Variants in FHIT observed in about 807,000 individuals in gnomAD.
FHIT encodes the protein bis(5'-adenosyl)-triphosphatase.
A neutral mutation model predicts 17.9 loss-of-function variants in FHIT; 19 were observed. That is an observed-to-expected ratio of 1.06 (90% CI 0.74 to 1.56). The LOEUF is 1.56. Ranked by LOEUF, FHIT falls within the 40% of genes most tolerant of loss-of-function variation. The pLI is 0.00. For missense variants in FHIT, 248 were observed against 189.2 expected, an observed-to-expected ratio of 1.31 and a Z score of -1.82; for synonymous variants, 81 against 69.7, an observed-to-expected ratio of 1.16 and a Z score of -0.81.
intron 5 of FHIT, among the ~76,000 whole-genome samples, chr3:60,429,595 A>G (rs1295188047): frequency 1.3e-5 from 2 of 152,070 alleles, no homozygotes; most frequent in African/African-American, 4.8e-5. Flanking sequence ...GGCCCTGTTT[A>G]AGGGTATCTA....
At chr3:60,275,365 C>T (rs968166667) in intron 5 of FHIT, among the ~76,000 whole-genome samples, 8 of 152,326 alleles carry the variant, frequency 5.3e-5, no homozygotes, top group Admixed American at 3.9e-4. Context: ...CAATTCCAAT[C>T]ATTTCTCTGA....
chr3:59,815,559 G>A (rs1384317031), intron 8 of FHIT, among the ~76,000 whole-genome samples: 1 of 152,122 alleles, frequency 6.6e-6, no homozygotes, highest in Non-Finnish European at 1.5e-5. Context: ...GCCATAAAAA[G>A]GAATGAATGA....
chr3:60,682,137 AATTTTTTGT>A (rs782589108), intron 4 of FHIT, among the ~76,000 whole-genome samples: 4 of 151,886 alleles, frequency 2.6e-5, no homozygotes, highest in Non-Finnish European at 2.9e-5. Flanking sequence ...ACGCCCTGCT[AATTTTTTGT>A]ATTTTTAGTA....
chr3:60,877,888 C>T (rs992914489), intron 3 of FHIT, among the ~76,000 whole-genome samples: 3 of 152,042 alleles, frequency 2.0e-5, no homozygotes, highest in African/African-American at 7.2e-5. Context: ...TACCCATGCT[C>T]AGTCATTCTA....
intron 5 of FHIT, among the ~76,000 whole-genome samples, chr3:60,130,113 C>T (rs564959525): frequency 1.4e-4 from 22 of 152,098 alleles, no homozygotes; most frequent in Middle Eastern, 3.4e-3. Context: ...TCAATTCTAC[C>T]GGAAAAAAGT....
At chr3:60,548,131 G>A (rs949593034) in intron 4 of FHIT, among the ~76,000 whole-genome samples, 3 of 14,654 alleles carry the variant, frequency 2.0e-4, no homozygotes, top group African/African-American at 1.3e-3. Context: ...AAAGGAGCAC[G>A]AGAGAGAGAG....
chr3:60,579,202 T>C (rs1553658806), intron 4 of FHIT, among the ~76,000 whole-genome samples: 1 of 152,178 alleles, frequency 6.6e-6, no homozygotes, highest in African/African-American at 2.4e-5. Flanking sequence ...CAAACCTAGA[T>C]AGGTATAGCC....
intron 4 of FHIT, among the ~76,000 whole-genome samples, chr3:60,540,599 T>C (rs1197014523): frequency 6.6e-6 from 1 of 152,200 alleles, no homozygotes; most frequent in East Asian, 1.9e-4. Flanking sequence ...TTGGTCACAG[T>C]AGTAGTCTTT....
chr3:61,062,564 A>G (rs1422837101), intron 2 of FHIT, among the ~76,000 whole-genome samples: 1 of 152,188 alleles, frequency 6.6e-6, no homozygotes, highest in Non-Finnish European at 1.5e-5. Flanking sequence ...TTGGTATGGA[A>G]ACTGTGACTC....
intron 4 of FHIT, among the ~76,000 whole-genome samples, chr3:60,805,391 G>A (rs988293107): frequency 7.2e-5 from 11 of 151,996 alleles, no homozygotes; most frequent in African/African-American, 1.9e-4. Context: ...CCTGGCTTGC[G>A]TATGGCTGCC....
At chr3:60,144,088 A>G (rs1458675840) in intron 5 of FHIT, among the ~76,000 whole-genome samples, 12 of 152,196 alleles carry the variant, frequency 7.9e-5, no homozygotes, top group Non-Finnish European at 1.6e-4. Flanking sequence ...TGTGTGCTTT[A>G]TTCAAAAGAT....
intron 5 of FHIT, among the ~76,000 whole-genome samples, chr3:60,275,259 AACTT>A: frequency 6.6e-6 from 1 of 152,078 alleles, no homozygotes; most frequent in Admixed American, 6.5e-5. Context: ...TGAATCAACT[AACTT>A]ACTTAGCAAG....
At chr3:61,108,508 C>T (rs1400237445) in intron 2 of FHIT, among the ~76,000 whole-genome samples, 1 of 152,082 alleles carries the variant, frequency 6.6e-6, no homozygotes, top group Non-Finnish European at 1.5e-5. Flanking sequence ...GTATGTTTGG[C>T]AGTGATGAAT....
In FHIT at chr3:60,222,600, C is replaced by T. The variant is rs1479612569; in HGVS notation, c.104-208448G>A. Among the ~76,000 whole-genome samples, 9 of 152,016 alleles carry T rather than the reference C, an allele frequency of 5.9e-5. No homozygotes were observed. The East Asian group carries it at 1.7e-3, about 29-fold the overall frequency. ...GGTCAGGAGTTCGAGACCAGCCTGGCCAACATGATGAAACCCCGTCTCTAC... is the reference window on the plus strand; with the variant it reads ...GGTCAGGAGTTCGAGACCAGCCTGGTCAACATGATGAAACCCCGTCTCTAC... On this transcript the variant is annotated intron_variant, in intron 5 of 9. Transcript: ENST00000492590.
rs148574510 is a variant in FHIT, at chr3:60,811,058, T to C, written c.-18+10861A>G. Among the ~76,000 whole-genome samples, 24 of 152,296 alleles carry C rather than the reference T, an allele frequency of 1.6e-4. No individual in the cohort carries two copies. In the East Asian group the frequency reaches 4.6e-3, roughly 29 times the overall value. On this transcript the variant is annotated intron_variant, in intron 4 of 9. Transcript: ENST00000492590. ...GCTCAGTTTCCTAATTTATGAAACA[T>C]GGACAATAACATCTGCTTTGTATGA...
At chr3:59,749,804 T>C in intron 9 of FHIT, 1 of 222,518 alleles carries the variant, frequency 4.5e-6, no homozygotes, top group Non-Finnish European at 8.9e-6. Context: ...TTCAATAGAA[T>C]GTTTCCATTG....
intron 5 of FHIT, among the ~76,000 whole-genome samples, chr3:60,043,743 C>T (rs56983442): frequency 0.034 from 5,147 of 152,214 alleles, 317 homozygotes; most frequent in African/African-American, 0.12. Context: ...AAACCTCCCA[C>T]TGATTAGACA....
intron 4 of FHIT, among the ~76,000 whole-genome samples, chr3:60,811,567 A>T (rs1270147055): frequency 6.6e-6 from 1 of 152,166 alleles, no homozygotes; most frequent in Admixed American, 6.5e-5. Context: ...TACTTAAAAT[A>T]GTTTATAAGC....
chr3:60,034,142 T>G (rs1490720784), intron 5 of FHIT, among the ~76,000 whole-genome samples: 1 of 152,226 alleles, frequency 6.6e-6, no homozygotes, highest in African/African-American at 2.4e-5. Context: ...ACTCTAACTG[T>G]CCCTGCTGGA....
Sources: allele counts gnomAD v4.1 joint callset (sites outside exome capture counted in the v4.1 genomes callset), GRCh38; gene constraint gnomAD v4.1.1; transcripts MANE v1.5; gene names NCBI Gene and HGNC (gene_info 2026-07-23, HGNC 2026-07-21).